Variants in SNRPN observed in about 807,000 individuals in gnomAD.
SNRPN encodes the protein small nuclear ribonucleoprotein polypeptide N, also known as small nuclear ribonucleoprotein-associated protein N.
In SNRPN, 7 loss-of-function variants were observed where a neutral mutation model predicts 25.2. The ratio of observed to expected loss-of-function variants is 0.28; its 90% confidence interval spans 0.16 to 0.52. The LOEUF (loss-of-function observed/expected upper bound fraction) is 0.52. Ranked by LOEUF, SNRPN falls within the 20% of genes least tolerant of loss-of-function variation. SNRPN has a pLI of 0.96. For missense variants in SNRPN, 196 were observed against 322.5 expected (o/e 0.61, Z 3.00); for synonymous variants, 124 against 110.6 (o/e 1.12, Z -0.76).
Position 24,910,516 on chromosome 15 carries a change from G to T in SNRPN, c.-504-9495G>T, listed in dbSNP as rs371404924. On this transcript the variant is annotated intron_variant, in intron 2 of 11. Transcript: ENST00000400097. ...TATTATTATTATTATCATTGAGATG[G>T]AGTCTTGCTCTGTCGCCCAGGCAGG... Among the ~76,000 whole-genome samples the T allele has an allele frequency of 8.5e-5, 13 of 152,182 alleles. 2 individuals carry two copies. The highest frequency in any genetic ancestry group is 2.9e-4 in the African/African-American group (12 of 41,536).
chr15:24,930,200 C>T (rs2060715629), intron 3 of SNRPN, among the ~76,000 whole-genome samples: 1 of 122,494 alleles, frequency 8.2e-6, no homozygotes, highest in South Asian at 2.7e-4. Flanking sequence ...ATAAAAATTA[C>T]ACCACAGTCC....
chr15:24,956,341 G>A (rs1024930863), intron 1 of SNRPN, among the ~76,000 whole-genome samples: 1 of 146,564 alleles, frequency 6.8e-6, no homozygotes, highest in African/African-American at 2.6e-5. Context: ...TTAGATCTGC[G>A]CAAGCGCTTC....
intron 1 of SNRPN, among the ~76,000 whole-genome samples, chr15:24,956,830 C>T (rs2063004955): frequency 6.6e-6 from 1 of 152,116 alleles, no homozygotes; most frequent in Non-Finnish European, 1.5e-5. Flanking sequence ...ACCACCTCCG[C>T]CTGTGTGGGA....
At chr15:24,842,273 C>T (rs947773561) in intron 2 of SNRPN, among the ~76,000 whole-genome samples, 1 of 152,184 alleles carries the variant, frequency 6.6e-6, no homozygotes, top group Non-Finnish European at 1.5e-5. Flanking sequence ...CTATACCAGC[C>T]ATCAGGAATA....
intron 3 of SNRPN, among the ~76,000 whole-genome samples, chr15:24,927,381 CAA>C (rs1180833841): frequency 6.6e-6 from 1 of 151,706 alleles, no homozygotes; most frequent in Non-Finnish European, 1.5e-5. Context: ...CTTGACATCC[CAA>C]AGTGTTTTGA....
chr15:24,944,250 G>A (rs754079886), intron 3 of SNRPN, among the ~76,000 whole-genome samples: 7 of 152,182 alleles, frequency 4.6e-5, no homozygotes, highest in Non-Finnish European at 7.3e-5. Context: ...GGTCATTAAT[G>A]TAGCACATGA....
At position 24,889,388 on chromosome 15, in the gene SNRPN, C is replaced by T. The variant is rs568315531; in HGVS notation, c.-505+2799C>T. ...CACGATCTCCGCTCACTGCAAGCTC[C>T]GCCTCCCGGGTTCAGGCCATTCTCT... On this transcript the variant is annotated intron_variant, in intron 2 of 11. Coordinates refer to the SNRPN transcript ENST00000400097. 6.0e-5 allele frequency among the ~76,000 whole-genome samples: 9 copies of T among 151,010 alleles called. No homozygotes were observed. The South Asian group carries it at 1.1e-3, about 18-fold the overall frequency.
intron 2 of SNRPN, among the ~76,000 whole-genome samples, chr15:24,891,009 C>T (rs555643487): frequency 6.6e-6 from 1 of 152,190 alleles, no homozygotes; most frequent in Non-Finnish European, 1.5e-5. Context: ...CACCCAGGTC[C>T]AATCAGTTCT....
intron 3 of SNRPN, among the ~76,000 whole-genome samples, chr15:24,932,472 G>A (rs1016382139): frequency 2.0e-5 from 3 of 152,238 alleles, no homozygotes; most frequent in Middle Eastern, 3.4e-3. Flanking sequence ...GACCTCAGGT[G>A]ATCCGCCTGC....
intron 2 of SNRPN, among the ~76,000 whole-genome samples, chr15:24,837,227 G>A (rs1211065586): frequency 1.3e-5 from 2 of 152,034 alleles, no homozygotes; most frequent in Non-Finnish European, 2.9e-5. Context: ...TTGTACAGCT[G>A]TGAATGGGAG....
At chr15:24,926,622 T>A (rs1272740112) in intron 3 of SNRPN, among the ~76,000 whole-genome samples, 3 of 152,066 alleles carry the variant, frequency 2.0e-5, no homozygotes, top group Non-Finnish European at 4.4e-5. Context: ...GATTCTGGTT[T>A]TTTTTTTGCA....
chr15:24,826,750 A>C (rs1038891599), intron 1 of SNRPN, among the ~76,000 whole-genome samples: 9 of 152,142 alleles, frequency 5.9e-5, no homozygotes, highest in African/African-American at 2.2e-4. Context: ...GTGTCAACAA[A>C]TCAAATATTT....
intron 3 of SNRPN, among the ~76,000 whole-genome samples, chr15:24,938,992 G>T (rs1596031192): frequency 6.6e-6 from 1 of 152,120 alleles, no homozygotes; most frequent in Admixed American, 6.6e-5. Flanking sequence ...CCCATGATTT[G>T]CAAGGCCCTC....
chr15:24,923,921 ACATTTT>A (rs1268056878), intron 3 of SNRPN, among the ~76,000 whole-genome samples: 1 of 13,030 alleles, frequency 7.7e-5, no homozygotes, highest in Non-Finnish European at 1.7e-4. Context: ...GTGTATATAA[ACATTTT>A]TTTTTTTTTT....
intron 3 of SNRPN, among the ~76,000 whole-genome samples, chr15:24,943,311 G>A (rs1223880064): frequency 6.6e-6 from 1 of 152,162 alleles, no homozygotes; most frequent in Non-Finnish European, 1.5e-5. Flanking sequence ...CTGTAGTGCA[G>A]CAGTTGTCCA....
chr15:24,965,451 C>T lies in SNRPN; in HGVS notation c.-294-2481C>T, dbSNP rs184866274. Reference sequence around the variant, plus strand: ...ACTCAGGAGGCTGAGGTGGAAGAATCGCTTGAACCTGGGAGGCAAAGGTTG... The same window carrying T: ...ACTCAGGAGGCTGAGGTGGAAGAATTGCTTGAACCTGGGAGGCAAAGGTTG... On this transcript the variant is annotated intron_variant, in intron 2 of 9. Transcript: ENST00000390687. Among the ~76,000 whole-genome samples the T allele has an allele frequency of 1.1e-3, 163 of 152,280 alleles. 2 individuals are homozygous for T. Among genetic ancestry groups the T allele is most frequent in the African/African-American group, 3.5e-3 (145 of 41,564 alleles).
Position 24,902,079 on chromosome 15 carries a change from C to T in SNRPN, c.-505+15490C>T, listed in dbSNP as rs575459484. On this transcript the variant is annotated intron_variant, in intron 2 of 11. Coordinates refer to the SNRPN transcript ENST00000400097. The stretch of plus-strand genomic sequence containing the variant: ...ATAAATGCTTAATTGTTCCTGATTT[C>T]GGGAGGGGAAAATGGAAATAGCATT... Among the ~76,000 whole-genome samples the T allele has an allele frequency of 1.1e-4, 16 of 152,156 alleles. No homozygotes were observed. In the South Asian group the frequency reaches 2.5e-3, roughly 24 times the overall value.
At chr15:24,945,098 G>A (rs186432416) in intron 3 of SNRPN, among the ~76,000 whole-genome samples, 97 of 152,200 alleles carry the variant, frequency 6.4e-4, no homozygotes, top group Middle Eastern at 3.4e-3. Flanking sequence ...TGACACATAA[G>A]ATCACTATCA....
At chr15:24,888,546 G>A (rs910110689) in intron 2 of SNRPN, among the ~76,000 whole-genome samples, 1 of 152,146 alleles carries the variant, frequency 6.6e-6, no homozygotes, top group African/African-American at 2.4e-5. Context: ...GTGTAAGAAT[G>A]CAAAAGTAAT....
Sources: gnomAD v4.1 joint callset for allele counts (sites outside exome capture counted in the v4.1 genomes callset) on GRCh38, gnomAD v4.1.1 for gene constraint, MANE v1.5 for transcripts, NCBI Gene and HGNC (gene_info 2026-07-23, HGNC 2026-07-21) for gene names.